The following ITGBL1 variants were observed in gnomAD, a reference collection of about 807,000 sequenced individuals.
ITGBL1 encodes the protein integrin beta-like protein 1.
A neutral mutation model predicts 68.5 loss-of-function variants in ITGBL1; 51 were observed. That is an observed-to-expected ratio of 0.74 (90% CI 0.59 to 0.94). ITGBL1 has a LOEUF of 0.94. Among genes scored for constraint, ITGBL1 ranks in the 40% least tolerant of loss-of-function variants. ITGBL1 has a pLI of 0.00. For synonymous variants in ITGBL1, 209 were observed against 227.3 expected (o/e 0.92, Z 0.72); for missense variants, 649 against 647.4 (o/e 1.00, Z -0.03).
chr13:101,628,148 G>A (rs1382493108), intron 7 of ITGBL1, among the ~76,000 whole-genome samples: 2 of 152,184 alleles, frequency 1.3e-5, no homozygotes, highest in Non-Finnish European at 2.9e-5. Context: ...TCTAACAAGC[G>A]TATAGTGGTA....
At chr13:101,694,425 T>C (rs2033956799) in intron 8 of ITGBL1, among the ~76,000 whole-genome samples, 1 of 152,082 alleles carries the variant, frequency 6.6e-6, no homozygotes, top group Non-Finnish European at 1.5e-5. Flanking sequence ...TTCTTTTCTT[T>C]TCTTTTTTTT....
At chr13:101,559,825 T>C (rs955396182) in intron 2 of ITGBL1, among the ~76,000 whole-genome samples, 4 of 152,232 alleles carry the variant, frequency 2.6e-5, no homozygotes, top group African/African-American at 7.2e-5. Context: ...ATAAAGTACT[T>C]ATCATAGTAC....
chr13:101,660,844 A>G (rs2033066138), intron 7 of ITGBL1, among the ~76,000 whole-genome samples: 1 of 152,180 alleles, frequency 6.6e-6, no homozygotes, highest in Non-Finnish European at 1.5e-5. Flanking sequence ...AACATTGTCA[A>G]ATGTCTGGCA....
chr13:101,704,018 G>T (rs1025878497), intron 8 of ITGBL1, among the ~76,000 whole-genome samples: 1 of 152,176 alleles, frequency 6.6e-6, no homozygotes, highest in Admixed American at 6.5e-5. Flanking sequence ...GGACGGGAGA[G>T]ACCATGTAAA....
chr13:101,573,677 C>T (rs1002152355), intron 3 of ITGBL1, among the ~76,000 whole-genome samples: 6 of 152,124 alleles, frequency 3.9e-5, no homozygotes, highest in African/African-American at 1.4e-4. Flanking sequence ...GATATGGAAT[C>T]TGGGAATTAG....
chr13:101,719,845 T>C (rs1326338657), downstream of ITGBL1: 5 of 150,892 alleles, frequency 3.3e-5, no homozygotes, highest in African/African-American at 1.2e-4. Context: ...TCTTACTTAA[T>C]AACAGCAAAC....
intron 6 of ITGBL1, among the ~76,000 whole-genome samples, chr13:101,585,181 C>T (rs552672971): frequency 6.6e-6 from 1 of 152,156 alleles, no homozygotes; most frequent in African/African-American, 2.4e-5. Context: ...GCTGTCATCA[C>T]CAGATTTCTA....
At chr13:101,485,010 G>C (rs1028562518) in intron 2 of ITGBL1, among the ~76,000 whole-genome samples, 8 of 152,046 alleles carry the variant, frequency 5.3e-5, no homozygotes, top group Non-Finnish European at 1.2e-4. Flanking sequence ...TGTATACAGA[G>C]GAACGAAAAT....
intron 7 of ITGBL1, among the ~76,000 whole-genome samples, chr13:101,651,212 G>A (rs1437018328): frequency 1.3e-5 from 2 of 152,086 alleles, no homozygotes; most frequent in Non-Finnish European, 2.9e-5. Flanking sequence ...AGATCTTTGA[G>A]GAATCTCCAC....
At chr13:101,507,181 C>T (rs1176603218) in intron 2 of ITGBL1, among the ~76,000 whole-genome samples, 4 of 152,250 alleles carry the variant, frequency 2.6e-5, no homozygotes, top group Non-Finnish European at 1.5e-5. Context: ...GATAGTGGTT[C>T]CTCATTCATC....
intron 3 of ITGBL1, among the ~76,000 whole-genome samples, chr13:101,568,821 C>A (rs923891982): frequency 1.2e-4 from 19 of 152,004 alleles, no homozygotes; most frequent in Middle Eastern, 3.2e-3. Context: ...AGACTGAGCT[C>A]AGTTAAAGGT....
chr13:101,592,418 CA>C (rs1343992611), intron 6 of ITGBL1, among the ~76,000 whole-genome samples: 1 of 151,918 alleles, frequency 6.6e-6, no homozygotes, highest in Admixed American at 6.6e-5. Context: ...GCGGTCGTGT[CA>C]AAAATAATAT....
At chr13:101,484,866 C>G (rs931007369) in intron 2 of ITGBL1, among the ~76,000 whole-genome samples, 9 of 151,904 alleles carry the variant, frequency 5.9e-5, no homozygotes, top group African/African-American at 1.7e-4. Context: ...TCCACAAGCA[C>G]AAGACGCTCA....
At chr13:101,714,821 G>A (rs1398634413) in intron 10 of ITGBL1, 2 of 447,236 alleles carry the variant, frequency 4.5e-6, no homozygotes, top group Non-Finnish European at 4.0e-6. Flanking sequence ...AAACTCACAT[G>A]TATGCAGTTG....
At chr13:101,676,692 T>C (rs2033511319) in intron 7 of ITGBL1, among the ~76,000 whole-genome samples, 1 of 152,202 alleles carries the variant, frequency 6.6e-6, no homozygotes, top group African/African-American at 2.4e-5. Context: ...TAATACTGTT[T>C]ATTGGATTTT....
At chr13:101,510,662 G>A (rs9585715) in intron 2 of ITGBL1, among the ~76,000 whole-genome samples, 3,145 of 152,054 alleles carry the variant, frequency 0.021, 113 homozygotes, top group African/African-American at 0.072. Flanking sequence ...AGCATCTGTT[G>A]TTTTTTGACT....
intron 2 of ITGBL1, among the ~76,000 whole-genome samples, chr13:101,530,809 A>AT (rs1279530040): frequency 6.6e-6 from 1 of 152,178 alleles, no homozygotes; most frequent in Non-Finnish European, 1.5e-5. Context: ...CTAAAAACAC[A>AT]TTTTTGGGAT....
At chr13:101,659,548 ATTAATT>A (rs551471938) in intron 7 of ITGBL1, among the ~76,000 whole-genome samples, 2 of 152,310 alleles carry the variant, frequency 1.3e-5, no homozygotes, top group South Asian at 4.1e-4. Flanking sequence ...TCAAATGTAG[ATTAATT>A]TACTTTAAGC....
chr13:101,597,580 C>T (rs892554326), intron 6 of ITGBL1, among the ~76,000 whole-genome samples: 1 of 151,262 alleles, frequency 6.6e-6, no homozygotes, highest in Non-Finnish European at 1.5e-5. Context: ...GAGACGGAGT[C>T]TCCCTCTGTC....
Sources: gnomAD v4.1 joint callset for allele counts (sites outside exome capture counted in the v4.1 genomes callset) on GRCh38, gnomAD v4.1.1 for gene constraint, MANE v1.5 for transcripts, NCBI Gene and HGNC (gene_info 2026-07-23, HGNC 2026-07-21) for gene names.